Variants in GLMN observed in about 807,000 individuals in gnomAD.
The protein encoded by GLMN is glomulin, FKBP associated protein.
Under a neutral mutation model 87.8 loss-of-function variants are expected in GLMN, and 75 were observed. The ratio of observed to expected loss-of-function variants is 0.85; its 90% CI spans 0.71 to 1.04. The LOEUF is 1.04. Ranked by LOEUF, GLMN falls within the 50% of genes least tolerant of loss-of-function variation. The probability of loss-of-function intolerance (pLI) is 0.00; values close to 1 mark genes in which losing one functional copy is unlikely to be tolerated. For synonymous variants in GLMN, 206 were observed against 221.6 expected, an observed-to-expected ratio of 0.93 and a Z score of 0.63; for missense variants, 588 against 658.8, an observed-to-expected ratio of 0.89 and a Z score of 1.18.
chr1:92,298,959 C>A lies in GLMN; in HGVS notation c.-65G>T. On this transcript the variant is annotated 5_prime_UTR_variant, in exon 1 of 19. Transcript: ENST00000370360. ...CCCTCGCCTCTCCCAGCCGCCGCCA[C>A]CTCCTCCGGCGTCTTAGCCCGCTCT... 1 of 500,354 alleles carries A rather than the reference C, an allele frequency of 2.0e-6. No homozygotes were observed. Among genetic ancestry groups the A allele is most frequent in the Non-Finnish European group, 3.6e-6 (1 of 281,328 alleles). 31.0% of individuals were successfully genotyped at this position (500,354 alleles called of 1,614,324 possible).
intron 3 of GLMN, among the ~76,000 whole-genome samples, chr1:92,292,644 C>T (rs1649543396): frequency 2.1e-5 from 3 of 145,796 alleles, no homozygotes; most frequent in South Asian, 2.2e-4. Context: ...AGGATGGTCT[C>T]GATCTCCTGA....
intron 6 of GLMN, among the ~76,000 whole-genome samples, chr1:92,288,038 T>TG (rs1168298234): frequency 7.4e-6 from 1 of 135,122 alleles, no homozygotes; most frequent in Non-Finnish European, 1.5e-5. Context: ...ATTTTACTGT[T>TG]TTTTTTTTTT....
At chr1:92,286,689 T>A in intron 6 of GLMN, 97 bp from the exon 7 acceptor site, 1 of 723,072 alleles carries the variant, frequency 1.4e-6, no homozygotes, top group Non-Finnish European at 2.5e-6. Context: ...AAAAATAACA[T>A]AAGCACTGCT....
chr1:92,306,793 C>T, the GLMN span, among the ~76,000 whole-genome samples: 2 of 151,920 alleles, frequency 1.3e-5, no homozygotes, highest in Admixed American at 1.3e-4. Context: ...GAGTGAGACC[C>T]TGTCCCTAAA....
the GLMN span, among the ~76,000 whole-genome samples, chr1:92,329,491 G>A: frequency 1.6e-4 from 25 of 152,204 alleles, no homozygotes; most frequent in African/African-American, 5.3e-4. Context: ...CAGCTGATGA[G>A]CAGGGCTGAG....
At chr1:92,285,848 C>G (rs898414024) in intron 7 of GLMN, among the ~76,000 whole-genome samples, 3 of 152,284 alleles carry the variant, frequency 2.0e-5, no homozygotes, top group African/African-American at 7.2e-5. Flanking sequence ...GATTATTTCT[C>G]TAATACAGAA....
rs200121546 is a variant in GLMN at position 92,297,474 on chromosome 1, G to A, written c.95C>T (p.Ala32Val). ...KEEDFGLFQLAGQRCIEEGHT... is the reference protein window; with the variant it reads ...KEEDFGLFQLVGQRCIEEGHT... ...CCCTTCTTCTATGCATCTTTGCCCA[G>A]CTAACTGAAATAGGCCAAAATCCTC... The change falls in exon 3 of 19, where the codon GCT (alanine) becomes GTT (valine). Residue 32 changes from alanine (A) to valine (V), a missense_variant. Coordinates refer to ENST00000370360, the MANE Select transcript of GLMN (RefSeq NM_053274.3). 1.5e-4 allele frequency: 243 copies of A among 1,609,874 alleles called. No individual in the cohort carries two copies. Among genetic ancestry groups the A allele is most frequent in the Middle Eastern group, 5.0e-4 (3 of 6,008 alleles).
chr1:92,322,704 A>T, the GLMN span, among the ~76,000 whole-genome samples: 9 of 150,878 alleles, frequency 6.0e-5, no homozygotes, highest in Non-Finnish European at 1.3e-4. Flanking sequence ...GCAAAACTCC[A>T]TCTCTACTAA....
chr1:92,351,307 A>AAAAAAAAAAAAAAC, the GLMN span, among the ~76,000 whole-genome samples: 1 of 24,406 alleles, frequency 4.1e-5, no homozygotes, highest in African/African-American at 1.6e-4. Flanking sequence ...CTCTGTCTCA[A>AAAAAAAAAAAAAAC]AAAAAAAAAA....
At chr1:92,264,515 G>A (rs376046468) in intron 14 of GLMN, 39 bp downstream of exon 14, 5 of 941,736 alleles carry the variant, frequency 5.3e-6, no homozygotes, top group South Asian at 3.9e-5. Context: ...TATACCCTAC[G>A]AAATAAATTG....
the GLMN span, among the ~76,000 whole-genome samples, chr1:92,329,773 A>G: frequency 2.0e-5 from 3 of 152,226 alleles, no homozygotes; most frequent in Non-Finnish European, 2.9e-5. Flanking sequence ...GCCTTTTTAT[A>G]TAATACTGGA....
At chr1:92,323,498 A>C in the GLMN span, 4 of 1,613,726 alleles carry the variant, frequency 2.5e-6, no homozygotes, top group South Asian at 4.4e-5. Context: ...AAAACATCAG[A>C]TATCGACAAT....
chr1:92,364,960 C>T, the GLMN span, among the ~76,000 whole-genome samples: 4 of 152,340 alleles, frequency 2.6e-5, no homozygotes, highest in East Asian at 7.7e-4. Context: ...GTGGCCCCAA[C>T]TTACCTATTC....
At chr1:92,257,428 C>T (rs1439512381) in intron 16 of GLMN, among the ~76,000 whole-genome samples, 4 of 152,062 alleles carry the variant, frequency 2.6e-5, no homozygotes, top group East Asian at 1.9e-4. Flanking sequence ...AAAAAGTGTC[C>T]GGATAGCCAG....
At chr1:92,328,730 A>G in the GLMN span, among the ~76,000 whole-genome samples, 2 of 152,112 alleles carry the variant, frequency 1.3e-5, no homozygotes, top group Non-Finnish European at 2.9e-5. Context: ...TTGTTTTGTC[A>G]TATTACTAGA....
the GLMN span, among the ~76,000 whole-genome samples, chr1:92,317,895 G>A: frequency 2.0e-5 from 3 of 152,092 alleles, no homozygotes; most frequent in African/African-American, 7.2e-5. Context: ...ATTACCATTT[G>A]ATTGAGCTAC....
rs35312080 is a variant in GLMN, at chr1:92,297,510, T to A, written c.59A>T (p.Asp20Val). The A allele has an allele frequency of 6.2e-7, 1 of 1,609,552 alleles. No homozygotes were observed. ...IKRCQILEEQDFKEEDFGLFQ... is the reference protein window; with the variant it reads ...IKRCQILEEQVFKEEDFGLFQ... ...TAGGCCAAAATCCTCTTCTTTAAAG[T>A]CTTGCTCTTCTAGGATTTGCTGGCA... Residue 20 changes from aspartate (D) to valine (V), a missense_variant, in exon 3 of 19, where the codon GAC becomes GTC. Coordinates refer to ENST00000370360, the MANE Select transcript of GLMN (RefSeq NM_053274.3).
At chr1:92,327,900 C>A in the GLMN span, among the ~76,000 whole-genome samples, 1 of 152,152 alleles carries the variant, frequency 6.6e-6, no homozygotes, top group East Asian at 1.9e-4. Context: ...GACTATCTTT[C>A]CTTCATTTAT....
At chr1:92,363,682 C>A in the GLMN span, 2 of 296,008 alleles carry the variant, frequency 6.8e-6, no homozygotes, top group African/African-American at 2.2e-5. Context: ...CAAGACCAAC[C>A]CCACTTCTCT....
Sources: allele counts gnomAD v4.1 joint callset (sites outside exome capture counted in the v4.1 genomes callset), GRCh38; gene constraint gnomAD v4.1.1; transcripts MANE v1.5; gene names NCBI Gene and HGNC (gene_info 2026-07-23, HGNC 2026-07-21).